GATAD2A: variants seen among roughly 807,000 people sequenced by gnomAD.
GATAD2A encodes the protein transcriptional repressor p66-alpha.
In GATAD2A, 12 loss-of-function variants were observed where a neutral mutation model predicts 68.5. The observed-to-expected ratio is 0.18, with a 90% CI of 0.11 to 0.28. The LOEUF is 0.28. Ranked by LOEUF, GATAD2A falls within the 10% of genes least tolerant of loss-of-function variation. The probability of loss-of-function intolerance (pLI) is 1.00; values close to 1 mark genes in which losing one functional copy is unlikely to be tolerated. For missense variants in GATAD2A, 755 were observed against 868.5 expected (o/e 0.87, Z 1.64); for synonymous variants, 410 against 375.3 (o/e 1.09, Z -1.07).
chr19:19,501,140 T>A lies in GATAD2A; in HGVS notation c.1227T>A (p.Thr409=). ...ETQAGRMSAA[T]VLSREPYMCA... ...CAGCAGGCAGGATGTCGGCCGCCAC[T>A]GTGCTGTCCCGGGAGCCCTACATGT... Residue 409 remains threonine, a synonymous_variant, in exon 9 of 12, where the codon ACT becomes ACA. Transcript: ENST00000683918. 1 of 1,611,430 alleles carries A rather than the reference T, an allele frequency of 6.2e-7. No individual in the cohort carries two copies. The highest frequency in any genetic ancestry group is 8.5e-7 in the Non-Finnish European group (1 of 1,178,398).
At chr19:19,421,946 C>T (rs930534006) in intron 1 of GATAD2A, among the ~76,000 whole-genome samples, 45 of 152,092 alleles carry the variant, frequency 3.0e-4, no homozygotes, top group Non-Finnish European at 4.4e-5. Flanking sequence ...CCCAGCCTCC[C>T]ACGTAGCTGG....
chr19:19,459,955 G>A (rs1024896544), intron 1 of GATAD2A, among the ~76,000 whole-genome samples: 3 of 152,202 alleles, frequency 2.0e-5, no homozygotes, highest in Non-Finnish European at 4.4e-5. Context: ...GCTTCCTTCC[G>A]GAATGAGTCC....
intron 1 of GATAD2A, among the ~76,000 whole-genome samples, chr19:19,427,182 G>A (rs2053198771): frequency 1.3e-5 from 2 of 152,130 alleles, no homozygotes; most frequent in South Asian, 4.2e-4. Context: ...TTTCAGCTGG[G>A]GAAGATGGTA....
intron 1 of GATAD2A, among the ~76,000 whole-genome samples, chr19:19,407,546 C>G (rs1451688870): frequency 6.6e-6 from 1 of 152,194 alleles, no homozygotes; most frequent in African/African-American, 2.4e-5. Context: ...TGCTCTAGAG[C>G]CCACAAATGC....
chr19:19,504,248 C>T (rs1448441170), intron 11 of GATAD2A, among the ~76,000 whole-genome samples: 1 of 152,198 alleles, frequency 6.6e-6, no homozygotes, highest in Non-Finnish European at 1.5e-5. Flanking sequence ...GCCAAAAATT[C>T]TGCGTGTGCT....
intron 1 of GATAD2A, among the ~76,000 whole-genome samples, chr19:19,396,311 T>C (rs2049238451): frequency 6.6e-6 from 1 of 152,004 alleles, no homozygotes; most frequent in Non-Finnish European, 1.5e-5. Context: ...TGAAACTCCG[T>C]CTGAAAAAAA....
At position 19,502,349 on chromosome 19, in the gene GATAD2A, C is replaced by G; in HGVS notation, c.1597C>G (p.Arg533Gly). 6.2e-7 allele frequency: 1 copy of G among 1,611,922 alleles called. No individual in the cohort carries two copies. Among genetic ancestry groups the G allele is most frequent in the East Asian group, 2.2e-5 (1 of 44,878 alleles). ...ACTGCAGGCCTCCAGCCAGCTGTCC[C>G]GGGGTTCGGCCACGACGCCCCGAGG... ...AVLQASSQLS[R>G]GSATTPRGVL... Residue 533 changes from arginine (R) to glycine (G), a missense_variant, in exon 11 of 12, where the codon CGG becomes GGG. Transcript: ENST00000683918.
intron 1 of GATAD2A, among the ~76,000 whole-genome samples, chr19:19,455,946 C>T (rs903089719): frequency 1.3e-5 from 2 of 151,886 alleles, no homozygotes; most frequent in Admixed American, 6.6e-5. Context: ...GTCAGGAGAT[C>T]GAGACCATCC....
intron 1 of GATAD2A, among the ~76,000 whole-genome samples, chr19:19,439,864 A>G (rs1411235791): frequency 6.6e-6 from 1 of 152,138 alleles, no homozygotes; most frequent in Non-Finnish European, 1.5e-5. Flanking sequence ...CAAACAAACA[A>G]AAAACACAAA....
intron 1 of GATAD2A, among the ~76,000 whole-genome samples, chr19:19,412,163 A>C (rs1279649378): frequency 8.0e-6 from 1 of 124,388 alleles, no homozygotes; most frequent in Non-Finnish European, 1.7e-5. Flanking sequence ...TTTTTTTTTA[A>C]TTTTTTTGTT....
At chr19:19,409,845 G>T (rs187420508) in intron 1 of GATAD2A, among the ~76,000 whole-genome samples, 9 of 152,258 alleles carry the variant, frequency 5.9e-5, no homozygotes, top group Non-Finnish European at 8.8e-5. Flanking sequence ...GTGTCAGACC[G>T]TTGGCTTCTT....
chr19:19,453,197 C>T (rs2056569221), intron 1 of GATAD2A, among the ~76,000 whole-genome samples: 1 of 152,164 alleles, frequency 6.6e-6, no homozygotes. Flanking sequence ...CAGCCCTGTG[C>T]TTTTCCTTAG....
chr19:19,499,055 A>G (rs1259481807), intron 8 of GATAD2A, among the ~76,000 whole-genome samples: 4 of 152,198 alleles, frequency 2.6e-5, no homozygotes, highest in South Asian at 2.1e-4. Flanking sequence ...TCTCAGGCCA[A>G]TGTGGAGTTG....
upstream of GATAD2A, among the ~76,000 whole-genome samples, chr19:19,404,523 C>G (rs181456332): frequency 6.8e-6 from 1 of 147,232 alleles, no homozygotes; most frequent in Non-Finnish European, 1.5e-5. Flanking sequence ...TACTAAAATA[C>G]AAAAAAAAAA....
chr19:19,437,335 G>A (rs2147561808), intron 1 of GATAD2A, among the ~76,000 whole-genome samples: 3 of 152,240 alleles, frequency 2.0e-5, no homozygotes, highest in Middle Eastern at 6.8e-3. Flanking sequence ...TTGCTGTGTT[G>A]CCCAAGCTGG....
At chr19:19,498,090 G>T (rs1285098280) in intron 7 of GATAD2A, among the ~76,000 whole-genome samples, 1 of 152,262 alleles carries the variant, frequency 6.6e-6, no homozygotes, top group African/African-American at 2.4e-5. Flanking sequence ...CAGTGGCCCT[G>T]CTGGGCAGTG....
chr19:19,425,716 A>G (rs1568273553), intron 1 of GATAD2A, among the ~76,000 whole-genome samples: 2 of 151,876 alleles, frequency 1.3e-5, no homozygotes, highest in Non-Finnish European at 1.5e-5. Context: ...AGCAACTCCC[A>G]TGGGCCCAAG....
At chr19:19,462,713 C>G (rs919979012) in intron 1 of GATAD2A, among the ~76,000 whole-genome samples, 5 of 152,230 alleles carry the variant, frequency 3.3e-5, no homozygotes, top group Admixed American at 2.6e-4. Context: ...CCTGCTCCAT[C>G]CTGCATCTCT....
intron 8 of GATAD2A, 54 bp from the exon 9 acceptor site, chr19:19,501,064 G>A: frequency 2.6e-6 from 4 of 1,524,776 alleles, no homozygotes; most frequent in Non-Finnish European, 2.7e-6. Flanking sequence ...GGCGGCCAGG[G>A]CCCTGACTGT....
Sources: gnomAD v4.1 joint callset for allele counts (sites outside exome capture counted in the v4.1 genomes callset) on GRCh38, gnomAD v4.1.1 for gene constraint, MANE v1.5 for transcripts, NCBI Gene and HGNC (gene_info 2026-07-23, HGNC 2026-07-21) for gene names.